CLDN15: variants seen among roughly 807,000 people sequenced by gnomAD.
The protein encoded by CLDN15 is claudin 15.
CLDN15 carries 9 observed loss-of-function variants against 24.5 expected under a neutral mutation model. That is an observed-to-expected ratio of 0.37 (90% CI 0.22 to 0.64). CLDN15 has a LOEUF of 0.64. Ranked by LOEUF, CLDN15 falls within the 30% of genes least tolerant of loss-of-function variation. The pLI is 0.63. For missense variants in CLDN15, 248 were observed against 305.9 expected, an observed-to-expected ratio of 0.81 and a Z score of 1.41; for synonymous variants, 149 against 131.4, an observed-to-expected ratio of 1.13 and a Z score of -0.92.
At chr7:101,236,262 G>C (rs556469912) in intron 1 of CLDN15, among the ~76,000 whole-genome samples, 15 of 150,072 alleles carry the variant, frequency 1.0e-4, no homozygotes, top group African/African-American at 2.0e-4. Context: ...GTTTTTTTTG[G>C]GGGGGGGGCC....
In CLDN15 at chr7:101,232,610, G is replaced by T; in HGVS notation, c.575C>A (p.Ala192Asp). 1 of 1,592,778 alleles carries T rather than the reference G, an allele frequency of 6.3e-7. No homozygotes were observed. The highest frequency in any genetic ancestry group is 1.8e-5 in the Admixed American group (1 of 55,798). The change falls in exon 4 of 5, where the codon GCC (alanine) becomes GAC (aspartate). Residue 192 changes from alanine to aspartate, a missense_variant. Coordinates refer to ENST00000308344, the MANE Select transcript of CLDN15 (RefSeq NM_014343.3). ...ACCCGSDEDPAASARRPYQAP... is the reference protein window; with the variant it reads ...ACCCGSDEDPDASARRPYQAP... ...TGCGCCTCACCCTGCTCACCTGGCG[G>T]CTGGGTCCTCGTCAGAGCCGCAGCA...
intron 1 of CLDN15, among the ~76,000 whole-genome samples, chr7:101,236,119 G>A (rs889061118): frequency 6.6e-6 from 1 of 152,202 alleles, no homozygotes; most frequent in Non-Finnish European, 1.5e-5. Context: ...TCTCAGGTGT[G>A]CAGGCTCACA....
At chr7:101,236,436 C>G (rs542223865) in intron 1 of CLDN15, among the ~76,000 whole-genome samples, 2 of 152,170 alleles carry the variant, frequency 1.3e-5, no homozygotes, top group Non-Finnish European at 2.9e-5. Context: ...TCTCAAGCCC[C>G]GCTTCACAGC....
chr7:101,232,932 A>G lies in CLDN15; in HGVS notation c.383-18T>C. On this transcript the variant is annotated intron_variant, in intron 2 of 4. Coordinates refer to ENST00000308344, the MANE Select transcript of CLDN15 (RefSeq NM_014343.3). Reference sequence around the variant, plus strand: ...GCAGATACCTGGGGACCGGAGGACGACCCCAGTCCAGTCCAGGGGGAGGGA... The same window carrying G: ...GCAGATACCTGGGGACCGGAGGACGGCCCCAGTCCAGTCCAGGGGGAGGGA... The G allele has an allele frequency of 5.5e-6, 8 of 1,445,292 alleles. No homozygotes were observed. The highest frequency in any genetic ancestry group is 7.5e-6 in the Non-Finnish European group (8 of 1,070,278). The allele number at this position is 1,445,292 out of a possible 1,614,324, so 89.5% of individuals were successfully genotyped here. A position where few individuals can be genotyped will look rare whatever the true frequency, so the allele number is the denominator to read the frequency against.
upstream of CLDN15, chr7:101,237,818 G>T: frequency 1.8e-6 from 1 of 565,500 alleles, no homozygotes; most frequent in Non-Finnish European, 3.2e-6. The surrounding 1 kb of genome is among the most constrained non-coding windows in gnomAD (Gnocchi z 4.0). Flanking sequence ...AAGCCTGCGC[G>T]CGGCAGCTGT....
At position 101,232,376 on chromosome 7, in the gene CLDN15, G is replaced by T; in HGVS notation, c.*34C>A. On this transcript the variant is annotated 3_prime_UTR_variant, in exon 5 of 5. Coordinates refer to ENST00000308344, the MANE Select transcript of CLDN15 (RefSeq NM_014343.3). ...GGCCAGGTCCCCTCTCCTTGGGGCA[G>T]TGGGAAGACAGCGGGGCCCACGGGC... 2 of 1,489,554 alleles carry T rather than the reference G, an allele frequency of 1.3e-6. No individual in the cohort carries two copies. Among genetic ancestry groups the T allele is most frequent in the Non-Finnish European group, 1.9e-6 (2 of 1,070,628 alleles). The allele number at this position is 1,489,554 out of a possible 1,614,324, so 92.3% of individuals were successfully genotyped here.
In CLDN15 at chr7:101,236,259, T is replaced by C. The variant is rs181639518; in HGVS notation, c.217+1106A>G. 3.9e-3 allele frequency among the ~76,000 whole-genome samples: 587 copies of C among 150,336 alleles called. 2 individuals are homozygous for C. The highest frequency in any genetic ancestry group is 0.013 in the African/African-American group (540 of 40,734). Reference sequence around the variant, plus strand: ...GTACTCAGCTTTTATAGGGTTTTTTTTGGGGGGGGGGCCCGCCGGCCCTGC... The same window carrying C: ...GTACTCAGCTTTTATAGGGTTTTTTCTGGGGGGGGGGCCCGCCGGCCCTGC... On this transcript the variant is annotated intron_variant, in intron 1 of 4. Coordinates refer to ENST00000308344, the MANE Select transcript of CLDN15 (RefSeq NM_014343.3).
intron 1 of CLDN15, among the ~76,000 whole-genome samples, chr7:101,236,263 G>A (rs3779055): frequency 2.6e-5 from 4 of 151,198 alleles, no homozygotes; most frequent in Non-Finnish European, 4.4e-5. Context: ...TTTTTTTTGG[G>A]GGGGGGGCCC....
In CLDN15 at chr7:101,237,602, G is replaced by C; in HGVS notation, c.-21C>G. The C allele has an allele frequency of 6.3e-7, 1 of 1,593,282 alleles. No homozygotes were observed. Among genetic ancestry groups the C allele is most frequent in the Non-Finnish European group, 8.6e-7 (1 of 1,161,602 alleles). Reference sequence around the variant, plus strand: ...GACATGGTGGGATGCAGGACCCTGGGGGGCTGGTGCCCCAGAGAGGGGGAG... The same window carrying C: ...GACATGGTGGGATGCAGGACCCTGGCGGGCTGGTGCCCCAGAGAGGGGGAG... On this transcript the variant is annotated 5_prime_UTR_variant, in exon 1 of 5. Coordinates refer to ENST00000308344, the MANE Select transcript of CLDN15 (RefSeq NM_014343.3). This position sits in a 1 kb window ranked among gnomAD's most constrained non-coding sequence, Gnocchi z 4.0.
rs1213989564 is a variant in CLDN15, at chr7:101,234,169, G to A, written c.382+109C>T. 4.4e-6 allele frequency: 4 copies of A among 898,906 alleles called. No individual in the cohort carries two copies. The Admixed American group carries it at 5.1e-5, about 11-fold the overall frequency. The allele number at this position is 898,906 out of a possible 1,614,324, so 55.7% of individuals were successfully genotyped here. A position where few individuals can be genotyped will look rare whatever the true frequency, so the allele number is the denominator to read the frequency against. On this transcript the variant is annotated intron_variant, in intron 2 of 4. Transcript: ENST00000308344. ...AGCAGGTGTCCATGCAGCAGGGTAG[G>A]GGAGGTGAGCATGAGGAGTGGGAAT...
At position 101,232,402 on chromosome 7, in the gene CLDN15, C is replaced by T. The variant is rs1268014668; in HGVS notation, c.*8G>A. ...TGGGAAGACAGCGGGGCCCACGGGC[C>T]AGAGCTGCTACACGTAGGCGTTTCT... On this transcript the variant is annotated 3_prime_UTR_variant, in exon 5 of 5. Transcript: ENST00000308344. 3 of 1,601,906 alleles carry T rather than the reference C, an allele frequency of 1.9e-6. No homozygotes were observed. Among genetic ancestry groups the T allele is most frequent in the Non-Finnish European group, 2.6e-6 (3 of 1,169,908 alleles).
chr7:101,234,093 T>C (rs766293574), intron 2 of CLDN15, 185 bp downstream of exon 2: 6 of 726,008 alleles, frequency 8.3e-6, no homozygotes, highest in Non-Finnish European at 2.5e-6. Flanking sequence ...ACACTGCCGA[T>C]GGGCTGATTT....
intron 1 of CLDN15, among the ~76,000 whole-genome samples, chr7:101,234,937 G>C (rs373046711): frequency 3.9e-5 from 6 of 152,090 alleles, no homozygotes; most frequent in African/African-American, 1.4e-4. Context: ...CCTGAGCTGG[G>C]CAACTCTATT....
chr7:101,234,448 G>A lies in CLDN15; in HGVS notation c.218-6C>T, dbSNP rs759552974. On this transcript the variant is annotated splice_polypyrimidine_tract_variant and splice_region_variant and intron_variant, in intron 1 of 4. Transcript: ENST00000308344. ...CCGGCAGGCCTGAATATACCCTGGGGGTGGGCACAGTTGTCAGCCTTTCCC... is the reference window on the plus strand; with the variant it reads ...CCGGCAGGCCTGAATATACCCTGGGAGTGGGCACAGTTGTCAGCCTTTCCC... The A allele has an allele frequency of 6.9e-6, 11 of 1,603,170 alleles. No homozygotes were observed. Among genetic ancestry groups the A allele is most frequent in the Non-Finnish European group, 8.5e-6 (10 of 1,171,122 alleles).
At chr7:101,233,014 G>A (rs1235585003) in intron 2 of CLDN15, 100 bp from the exon 3 acceptor site, 1 of 785,674 alleles carries the variant, frequency 1.3e-6, no homozygotes. Flanking sequence ...AGTAGGACGG[G>A]GGCACCAAGT....
chr7:101,232,351 G>T lies in CLDN15; in HGVS notation c.*59C>A. ...AGGTTACTATAGGGGAATGGGCCCC[G>T]GCCAGGTCCCCTCTCCTTGGGGCAG... is the stretch of plus-strand genomic sequence containing the variant. On this transcript the variant is annotated 3_prime_UTR_variant, in exon 5 of 5. Coordinates refer to ENST00000308344, the MANE Select transcript of CLDN15 (RefSeq NM_014343.3). 7.7e-7 allele frequency: 1 copy of T among 1,291,878 alleles called. No homozygotes were observed. Among genetic ancestry groups the T allele is most frequent in the Non-Finnish European group, 1.1e-6 (1 of 902,472 alleles). 80.0% of individuals were successfully genotyped at this position (1,291,878 alleles called of 1,614,324 possible).
rs1181195003 is a variant in CLDN15, at chr7:101,237,005, G to A, written c.217+360C>T. ...GAGTGCCTATGTGTGTTAACATCAC[G>A]CTAACATTCTGCACTTTCTCAGTCA... On this transcript the variant is annotated intron_variant, in intron 1 of 4. Transcript: ENST00000308344. The surrounding 1 kb of genome is among the most constrained non-coding windows in gnomAD (Gnocchi z 4.0). The A allele has an allele frequency of 1.3e-5, 5 of 387,570 alleles. No homozygotes were observed. Among genetic ancestry groups the A allele is most frequent in the Middle Eastern group, 6.9e-4 (1 of 1,454 alleles). The allele number at this position is 387,570 out of a possible 1,614,324, so 24.0% of individuals were successfully genotyped here.
In CLDN15 at chr7:101,237,385, G is replaced by A. The variant is rs760017086; in HGVS notation, c.197C>T (p.Pro66Leu). The part of the protein sequence containing the change: ...SLGVYNCWEF[P>L]SMLALSGYIQ... ...CATACCAGAGAGGGCCAGCATGGAC[G>A]GGAACTCCCAGCAGTTGTAGACGCC... Residue 66 changes from proline (P) to leucine (L), a missense_variant, in exon 1 of 5, where the codon CCG becomes CTG. By Grantham distance (98) the Pro-to-Leu change is moderately conservative. Transcript: ENST00000308344. This position sits in a 1 kb window ranked among gnomAD's most constrained non-coding sequence, Gnocchi z 4.0. 1.9e-6 allele frequency: 3 copies of A among 1,610,854 alleles called. No homozygotes were observed. Among genetic ancestry groups the A allele is most frequent in the Non-Finnish European group, 2.5e-6 (3 of 1,178,270 alleles).
In CLDN15 at chr7:101,234,347, T is replaced by C. The variant is rs774339593; in HGVS notation, c.313A>G (p.Ile105Val). 2 of 1,612,178 alleles carry C rather than the reference T, an allele frequency of 1.2e-6. No homozygotes were observed. Among genetic ancestry groups the C allele is most frequent in the Non-Finnish European group, 1.7e-6 (2 of 1,179,536 alleles). The change falls in exon 2 of 5, where the codon ATT becomes GTT. Residue 105 changes from isoleucine to valine, a missense_variant. By Grantham distance (29) the Ile-to-Val change is conservative. Coordinates refer to ENST00000308344, the MANE Select transcript of CLDN15 (RefSeq NM_014343.3). ...LGIAGLRCTN[I>V]GGLELSRKAK... ...TTCCTGGAGAGCTCCAGGCCCCCAA[T>C]GTTGGTGCAGCGCAGGCCCGCTATG...
Sources: gnomAD v4.1 joint callset for allele counts (sites outside exome capture counted in the v4.1 genomes callset) on GRCh38, gnomAD v4.1.1 for gene constraint, Gnocchi (gnomAD v3.1) non-coding constraint, MANE v1.5 for transcripts, NCBI Gene and HGNC (gene_info 2026-07-23, HGNC 2026-07-21) for gene names.